Variants in SH3PXD2A observed in about 807,000 individuals in gnomAD.
SH3PXD2A encodes SH3 and PX domain-containing protein 2A.
SH3PXD2A carries 32 observed loss-of-function variants against 115.2 expected under a neutral mutation model. The observed-to-expected ratio is 0.28, with a 90% CI of 0.21 to 0.37. SH3PXD2A has a LOEUF of 0.37. Among genes scored for constraint, SH3PXD2A ranks in the 10% least tolerant of loss-of-function variants. SH3PXD2A has a pLI of 1.00. For missense variants in SH3PXD2A, 1,328 were observed against 1,498.7 expected, an observed-to-expected ratio of 0.89 and a Z score of 1.88; for synonymous variants, 610 against 629.1, an observed-to-expected ratio of 0.97 and a Z score of 0.45.
intron 5 of SH3PXD2A, among the ~76,000 whole-genome samples, chr10:103,702,172 C>A (rs1592309332): frequency 6.6e-6 from 1 of 151,954 alleles, no homozygotes; most frequent in Non-Finnish European, 1.5e-5. Flanking sequence ...CATCCACCAT[C>A]CATCCATCCA....
At chr10:103,757,792 A>G (rs1388487549) in intron 3 of SH3PXD2A, among the ~76,000 whole-genome samples, 2 of 152,192 alleles carry the variant, frequency 1.3e-5, no homozygotes, top group Non-Finnish European at 2.9e-5. Context: ...CATCTGGGTC[A>G]TCTGCTCTTT....
chr10:103,830,438 A>T (rs2039473234), intron 1 of SH3PXD2A, among the ~76,000 whole-genome samples: 1 of 152,240 alleles, frequency 6.6e-6, no homozygotes, highest in Non-Finnish European at 1.5e-5. Context: ...TCATGCACAC[A>T]GACTGCATTT....
chr10:103,772,425 T>A (rs12411968), intron 2 of SH3PXD2A, among the ~76,000 whole-genome samples: 10,927 of 152,214 alleles, frequency 0.072, 478 homozygotes, highest in East Asian at 0.12. Context: ...GGGACCACCT[T>A]TGCAGGCAGG....
At chr10:103,619,944 G>A (rs2036578234) in intron 10 of SH3PXD2A, among the ~76,000 whole-genome samples, 1 of 152,212 alleles carries the variant, frequency 6.6e-6, no homozygotes, top group Non-Finnish European at 1.5e-5. Flanking sequence ...CAGCTCCTGG[G>A]TTTCCACCCA....
At position 103,756,474 on chromosome 10, in the gene SH3PXD2A, C is replaced by T. The variant is rs1175268455; in HGVS notation, c.229+10620G>A. ...CACCATCACCCGCTGCTGCCACTCC[C>T]GAGCCCTCAGTGAAACCTGGACCCA... On this transcript the variant is annotated intron_variant, in intron 3 of 14. Transcript: ENST00000369774. This position sits in a 1 kb window ranked among gnomAD's most constrained non-coding sequence, Gnocchi z 4.4. 2.0e-5 allele frequency among the ~76,000 whole-genome samples: 3 copies of T among 152,130 alleles called. No individual in the cohort carries two copies. The highest frequency in any genetic ancestry group is 2.9e-5 in the Non-Finnish European group (2 of 68,008).
intron 1 of SH3PXD2A, among the ~76,000 whole-genome samples, chr10:103,840,791 T>C (rs1279070421): frequency 6.6e-6 from 1 of 152,148 alleles, no homozygotes. Flanking sequence ...AAATGAGTGA[T>C]GTGCTTAGTG....
chr10:103,728,906 T>TTTG (rs1360329227), intron 4 of SH3PXD2A, among the ~76,000 whole-genome samples: 5 of 151,190 alleles, frequency 3.3e-5, no homozygotes, highest in African/African-American at 4.9e-5. Context: ...TGTTTTTTTT[T>TTTG]TTTTGAGACA....
intron 6 of SH3PXD2A, among the ~76,000 whole-genome samples, chr10:103,685,779 C>T (rs996826997): frequency 3.3e-5 from 5 of 152,108 alleles, no homozygotes; most frequent in Non-Finnish European, 4.4e-5. Context: ...CAGGCAGAGC[C>T]GGGACATGAA....
intron 3 of SH3PXD2A, among the ~76,000 whole-genome samples, chr10:103,757,825 T>C (rs1076814): frequency 0.58 from 88,184 of 152,060 alleles, 26,408 homozygotes; most frequent in African/African-American, 0.74. Flanking sequence ...CTTGCTGCTT[T>C]GCAAGTTACC....
intron 2 of SH3PXD2A, among the ~76,000 whole-genome samples, chr10:103,767,815 T>A (rs12780290): frequency 2.2e-5 from 2 of 90,792 alleles, no homozygotes; most frequent in Non-Finnish European, 4.4e-5. Flanking sequence ...GTTTTGTTTT[T>A]TTTTTTTTTT....
chr10:103,775,093 A>T (rs1483521167), intron 2 of SH3PXD2A, among the ~76,000 whole-genome samples: 1 of 151,768 alleles, frequency 6.6e-6, no homozygotes, highest in Non-Finnish European at 1.5e-5. Context: ...CCACCCTGGC[A>T]AGGAGTTGGG....
At chr10:103,833,529 G>A (rs911390189) in intron 1 of SH3PXD2A, among the ~76,000 whole-genome samples, 3 of 152,080 alleles carry the variant, frequency 2.0e-5, no homozygotes, top group Non-Finnish European at 2.9e-5. Context: ...ATTGTTTGAA[G>A]TGGCGAAAAA....
intron 9 of SH3PXD2A, among the ~76,000 whole-genome samples, chr10:103,626,406 G>A (rs948720600): frequency 6.6e-6 from 1 of 152,182 alleles, no homozygotes; most frequent in South Asian, 2.1e-4. Context: ...GCCATGGGAG[G>A]CTTGGAAGCC....
At position 103,665,758 on chromosome 10, in the gene SH3PXD2A, C is replaced by G. The variant is rs1383271188; in HGVS notation, c.472+2850G>C. ...CCCCTCTCAGCCAAGGCCTGCAGAA[C>G]TAGGGGCTGGAGGAGTCTGCCTGAG... is the stretch of plus-strand genomic sequence containing the variant. On this transcript the variant is annotated intron_variant, in intron 7 of 14. Transcript: ENST00000369774. The surrounding 1 kb of genome is among the most constrained non-coding windows in gnomAD (Gnocchi z 4.0). Among the ~76,000 whole-genome samples, 1 of 152,180 alleles carries G rather than the reference C, an allele frequency of 6.6e-6. No homozygotes were observed. Among genetic ancestry groups the G allele is most frequent in the Non-Finnish European group, 1.5e-5 (1 of 68,016 alleles).
intron 1 of SH3PXD2A, among the ~76,000 whole-genome samples, chr10:103,839,912 G>A (rs1460022093): frequency 6.6e-6 from 1 of 152,384 alleles, no homozygotes; most frequent in East Asian, 1.9e-4. Context: ...GACAGTGCCA[G>A]TGGGCAGCCA....
intron 3 of SH3PXD2A, among the ~76,000 whole-genome samples, chr10:103,751,904 T>C (rs1352668260): frequency 2.0e-5 from 3 of 152,214 alleles, no homozygotes; most frequent in African/African-American, 7.2e-5. Context: ...TCTGTGACTG[T>C]CTGCTGCCCA....
chr10:103,647,786 G>A (rs60381771), intron 8 of SH3PXD2A, among the ~76,000 whole-genome samples: 10,943 of 152,188 alleles, frequency 0.072, 1,068 homozygotes, highest in African/African-American at 0.23. Flanking sequence ...GTTCTGCTCC[G>A]GTTATCAATG....
chr10:103,603,928 G>A, intron 14 of SH3PXD2A, 139 bp from the exon 15 acceptor site: 1 of 946,096 alleles, frequency 1.1e-6, no homozygotes, highest in Non-Finnish European at 1.5e-6. Flanking sequence ...CTGAGTAAGT[G>A]GCCCAAAACC....
intron 1 of SH3PXD2A, among the ~76,000 whole-genome samples, chr10:103,846,252 C>T (rs750284444): frequency 1.3e-5 from 2 of 152,218 alleles, no homozygotes; most frequent in African/African-American, 2.4e-5. Context: ...AGCTGTTTCC[C>T]CTTTGCTAAC....
Sources: allele counts gnomAD v4.1 joint callset (sites outside exome capture counted in the v4.1 genomes callset), GRCh38; gene constraint gnomAD v4.1.1; non-coding constraint Gnocchi (gnomAD v3.1); transcripts MANE v1.5; gene names NCBI Gene and HGNC (gene_info 2026-07-23, HGNC 2026-07-21).